The following ZDHHC23 variants were observed in gnomAD, a reference collection of about 807,000 sequenced individuals.
ZDHHC23 encodes the protein zDHHC palmitoyltransferase 23, also known as palmitoyltransferase ZDHHC23.
A neutral mutation model predicts 40.2 loss-of-function variants in ZDHHC23; 41 were observed. The ratio of observed to expected loss-of-function variants is 1.02; its 90% CI spans 0.79 to 1.32. The LOEUF (loss-of-function observed/expected upper bound fraction) is 1.32. Among genes scored for constraint, ZDHHC23 ranks in the 40% most tolerant of loss-of-function variants. The pLI is 0.00. For synonymous variants in ZDHHC23, 204 were observed against 210.2 expected (o/e 0.97, Z 0.26); for missense variants, 471 against 541.5 (o/e 0.87, Z 1.29).
intron 2 of ZDHHC23, among the ~76,000 whole-genome samples, chr3:113,952,055 T>G (rs779182488): frequency 6.6e-6 from 1 of 152,046 alleles, no homozygotes; most frequent in Non-Finnish European, 1.5e-5. Context: ...GAGAATCGCT[T>G]GAACTCAGGA....
At chr3:113,978,989 AAG>A in the ZDHHC23 span, 1 of 1,613,924 alleles carries the variant, frequency 6.2e-7, no homozygotes, top group Non-Finnish European at 8.5e-7. Context: ...TGCAGGAACA[AAG>A]AGTAATGTTC....
Position 113,950,724 on chromosome 3 carries a change from G to A in ZDHHC23, c.161+1761G>A, listed in dbSNP as rs568143890. 1.5e-4 allele frequency among the ~76,000 whole-genome samples: 23 copies of A among 152,270 alleles called. No individual in the cohort carries two copies. In the South Asian group the frequency reaches 4.6e-3, roughly 30 times the overall value. The stretch of plus-strand genomic sequence containing the variant: ...GTCAATTCAGAAGTCTAAGTCCAGA[G>A]TCTGGTCTGAATATCATCATCCAAA... On this transcript the variant is annotated intron_variant, in intron 2 of 4. Transcript: ENST00000638807.
In ZDHHC23 at chr3:113,953,974, C is replaced by G; in HGVS notation, c.436C>G (p.Leu146Val). 1.2e-6 allele frequency: 2 copies of G among 1,614,146 alleles called. No homozygotes were observed. Among genetic ancestry groups the G allele is most frequent in the Non-Finnish European group, 1.7e-6 (2 of 1,180,048 alleles). Reference sequence around the variant, plus strand: ...GACCCTGTTTTTCCTGAGCCTTGGACTGTTCTCTCTGGGCTACATGTACTA... The same window carrying G: ...GACCCTGTTTTTCCTGAGCCTTGGAGTGTTCTCTCTGGGCTACATGTACTA... ...EQTLFFLSLG[L>V]FSLGYMYYVF... Residue 146 changes from leucine (L) to valine (V), a missense_variant, in exon 3 of 5, where the codon CTG (leucine) becomes GTG (valine). Physicochemically the swap from Leu to Val is conservative, Grantham distance 32. Around this residue, in one of 3 missense-constraint regions of ZDHHC23, gnomAD observed 346 missense variants for 399.8 expected, o/e 0.87. Transcript: ENST00000638807.
the ZDHHC23 span, among the ~76,000 whole-genome samples, chr3:113,971,661 T>C: frequency 3.3e-5 from 5 of 152,180 alleles, no homozygotes; most frequent in Non-Finnish European, 7.3e-5. Context: ...TTGTTTGGTT[T>C]TGGTATCAGG....
intron 2 of ZDHHC23, among the ~76,000 whole-genome samples, chr3:113,949,232 G>A (rs1485357726): frequency 6.6e-6 from 1 of 152,204 alleles, no homozygotes; most frequent in African/African-American, 2.4e-5. Flanking sequence ...TAAAGGGATA[G>A]TAGGCAAGTT....
At position 113,958,936 on chromosome 3, in the gene ZDHHC23, G is replaced by C. The variant is rs1194738006; in HGVS notation, c.*306G>C. 43 of 1,218,994 alleles carry C rather than the reference G, an allele frequency of 3.5e-5. 1 individual carries two copies. Among genetic ancestry groups the C allele is most frequent in the Non-Finnish European group, 6.3e-6 (6 of 959,298 alleles). 75.5% of individuals were successfully genotyped at this position (1,218,994 alleles called of 1,614,324 possible). ...TGATAGAAGCAATTCCCATCCATTAGTATGGAGGAAAGAGTGTTGGATTAG... is the reference window on the plus strand; with the variant it reads ...TGATAGAAGCAATTCCCATCCATTACTATGGAGGAAAGAGTGTTGGATTAG... On this transcript the variant is annotated 3_prime_UTR_variant, in exon 5 of 5. Coordinates refer to ENST00000638807, the MANE Select transcript of ZDHHC23 (RefSeq NM_001320466.2).
Position 113,959,555 on chromosome 3 carries a change from AGAG to A in ZDHHC23, c.*929_*931del, listed in dbSNP as rs749689680. On this transcript the variant is annotated 3_prime_UTR_variant, in exon 5 of 5. Transcript: ENST00000638807. ...TAGCACACTTGTGACTGTGGCTGGA[AGAG>A]GAGAACAGACACTCCTGTGGGGATG... The A allele has an allele frequency of 9.5e-6, 12 of 1,267,082 alleles. No individual in the cohort carries two copies. The highest frequency in any genetic ancestry group is 1.2e-5 in the Non-Finnish European group (12 of 971,240). The allele number at this position is 1,267,082 out of a possible 1,614,324, so 78.5% of individuals were successfully genotyped here.
In ZDHHC23 at chr3:113,956,207, A is replaced by G. The variant is rs952205111; in HGVS notation, c.873-132A>G. The G allele has an allele frequency of 1.2e-5, 12 of 973,668 alleles. No homozygotes were observed. The African/African-American group carries it at 1.8e-4, about 15-fold the overall frequency. 60.3% of individuals were successfully genotyped at this position (973,668 alleles called of 1,614,324 possible). A position where few individuals can be genotyped will look rare whatever the true frequency, so the allele number is the denominator to read the frequency against. On this transcript the variant is annotated intron_variant, in intron 3 of 4. Coordinates refer to ENST00000638807, the MANE Select transcript of ZDHHC23 (RefSeq NM_001320466.2). ...GGTTGCAGTGAGCCAAGATCGCGCC[A>G]TTGCACTTTAGCCTGAACTACAGAG...
At chr3:113,975,890 G>GTTGA in the ZDHHC23 span, among the ~76,000 whole-genome samples, 1 of 152,190 alleles carries the variant, frequency 6.6e-6, no homozygotes, top group Non-Finnish European at 1.5e-5. Context: ...TTTGGTTCTT[G>GTTGA]TTGATTGCAT....
In ZDHHC23 at chr3:113,956,388, C is replaced by T. The variant is rs1939229445; in HGVS notation, c.922C>T (p.Leu308Phe). ...AAATCATCAAGCATTTATACTTGCC[C>T]TTTTGATCTTCTTGCTCACCTCGGT... ...ESNHQAFILA[L>F]LIFLLTSVYG... The change falls in exon 4 of 5, where the codon CTT (leucine) becomes TTT (phenylalanine). Residue 308 changes from leucine (L) to phenylalanine (F), a missense_variant. Coordinates refer to ENST00000638807, the MANE Select transcript of ZDHHC23 (RefSeq NM_001320466.2). 1 of 1,614,004 alleles carries T rather than the reference C, an allele frequency of 6.2e-7. No individual in the cohort carries two copies. The highest frequency in any genetic ancestry group is 1.7e-5 in the Admixed American group (1 of 59,994).
intron 3 of ZDHHC23, among the ~76,000 whole-genome samples, chr3:113,955,079 A>G (rs1187519615): frequency 6.6e-6 from 1 of 152,204 alleles, no homozygotes; most frequent in Non-Finnish European, 1.5e-5. Context: ...ATTAATTCAG[A>G]TATGAATGCT....
At chr3:113,963,594 A>AAG (rs1939845612), downstream of ZDHHC23, among the ~76,000 whole-genome samples, 1 of 148,674 alleles carries the variant, frequency 6.7e-6, no homozygotes, top group Non-Finnish European at 1.5e-5. Context: ...AAAAAAAAAA[A>AAG]AAAAAGTTAG....
At position 113,948,844 on chromosome 3, in the gene ZDHHC23, A is replaced by G; in HGVS notation, c.42A>G (p.Lys14=). The G allele has an allele frequency of 6.2e-7, 1 of 1,614,192 alleles. No individual in the cohort carries two copies. Among genetic ancestry groups the G allele is most frequent in the Non-Finnish European group, 8.5e-7 (1 of 1,180,028 alleles). ...KGSMKPVKKK[K]TEEPELEPLC... is the part of the protein sequence containing the mutation. Reference sequence around the variant, plus strand: ...GTATGAAGCCTGTGAAGAAAAAGAAAACCGAAGAACCTGAATTGGAGCCCC... The same window carrying G: ...GTATGAAGCCTGTGAAGAAAAAGAAGACCGAAGAACCTGAATTGGAGCCCC... The change falls in exon 2 of 5, where the codon AAA becomes AAG. Residue 14 remains lysine, a synonymous_variant. Coordinates refer to ENST00000638807, the MANE Select transcript of ZDHHC23 (RefSeq NM_001320466.2).
chr3:113,956,071 A>G (rs1939199398), intron 3 of ZDHHC23, among the ~76,000 whole-genome samples: 2 of 152,108 alleles, frequency 1.3e-5, no homozygotes, highest in South Asian at 4.1e-4. Flanking sequence ...GTGAAACCCC[A>G]TCTCTACTCA....
At chr3:113,956,600 TC>T (rs1004766090) in intron 4 of ZDHHC23, 94 bp downstream of exon 4, 2 of 1,311,910 alleles carry the variant, frequency 1.5e-6, no homozygotes, top group African/African-American at 1.5e-5. Context: ...GAGTTCTCAA[TC>T]AAAACATAGG....
At chr3:113,948,390 C>T (rs2107414375) in intron 1 of ZDHHC23, 200 bp downstream of exon 1, 1 of 191,658 alleles carries the variant, frequency 5.2e-6, no homozygotes, top group Non-Finnish European at 1.1e-5. Context: ...TCCCTATAGC[C>T]CCGAGGCTGA....
Position 113,960,123 on chromosome 3 carries a change from G to A in ZDHHC23, c.*1493G>A. The A allele has an allele frequency of 2.0e-6, 2 of 990,334 alleles. No individual in the cohort carries two copies. The highest frequency in any genetic ancestry group is 2.4e-6 in the Non-Finnish European group (2 of 832,658). The allele number at this position is 990,334 out of a possible 1,614,324, so 61.3% of individuals were successfully genotyped here. A position where few individuals can be genotyped will look rare whatever the true frequency, so the allele number is the denominator to read the frequency against. On this transcript the variant is annotated 3_prime_UTR_variant, in exon 5 of 5. Transcript: ENST00000638807. ...TATTGCCAGCGTTTTCAGTCATTCT[G>A]TGCATGCTGCTTTAAGCAAGAGATT...
At chr3:113,967,462 G>A (rs1322390443), downstream of ZDHHC23, among the ~76,000 whole-genome samples, 1 of 151,330 alleles carries the variant, frequency 6.6e-6, no homozygotes, top group Non-Finnish European at 1.5e-5. Flanking sequence ...ATGATCACTG[G>A]TTTGGCACTT....
chr3:113,970,383 C>T (rs143178316), downstream of ZDHHC23, among the ~76,000 whole-genome samples: 4 of 152,136 alleles, frequency 2.6e-5, no homozygotes, highest in East Asian at 7.7e-4. Flanking sequence ...TGGTCTTGAA[C>T]CCTTGGCCTC....
Sources: allele counts gnomAD v4.1 joint callset (sites outside exome capture counted in the v4.1 genomes callset), GRCh38; gene constraint gnomAD v4.1.1; regional missense constraint gnomAD v4.1.1; transcripts MANE v1.5; gene names NCBI Gene and HGNC (gene_info 2026-07-23, HGNC 2026-07-21).